Variants in HDAC9 observed in about 807,000 individuals in gnomAD.
HDAC9 encodes MEF-2 interacting transcription repressor (MITR) protein.
A neutral mutation model predicts 139.4 loss-of-function variants in HDAC9; 41 were observed. That is an observed-to-expected ratio of 0.29 (90% CI 0.23 to 0.38). The LOEUF (loss-of-function observed/expected upper bound fraction) is 0.38. HDAC9 is among the 10% of genes least tolerant of loss of function. The pLI is 1.00. For synonymous variants in HDAC9, 517 were observed against 476.2 expected, an observed-to-expected ratio of 1.09 and a Z score of -1.12; for missense variants, 1,147 against 1,297.0, an observed-to-expected ratio of 0.88 and a Z score of 1.78.
intron 1 of HDAC9, among the ~76,000 whole-genome samples, chr7:18,096,294 A>G (rs1782495417): frequency 6.6e-6 from 1 of 152,196 alleles, no homozygotes; most frequent in Non-Finnish European, 1.5e-5. Context: ...GACTCACTTC[A>G]TCCTCACCTT....
At chr7:18,128,074 A>G (rs958042232) in intron 1 of HDAC9, among the ~76,000 whole-genome samples, 6 of 152,106 alleles carry the variant, frequency 3.9e-5, no homozygotes, top group Admixed American at 6.6e-5. Context: ...TCAGTATCCA[A>G]CCATTTAGCT....
Position 18,666,494 on chromosome 7 carries a change from A to C in HDAC9, c.1731+18A>C. On this transcript the variant is annotated intron_variant, in intron 12 of 25. Coordinates refer to ENST00000686413, the MANE Select transcript of HDAC9 (RefSeq NM_178425.4). ...TGCAACAGGTAATAGGCAAAGATTT[A>C]GCTCCAGGATTTGTAATTAAAGTCA... 6.2e-7 allele frequency: 1 copy of C among 1,602,092 alleles called. No homozygotes were observed. Among genetic ancestry groups the C allele is most frequent in the Non-Finnish European group, 8.5e-7 (1 of 1,173,266 alleles).
intron 1 of HDAC9, among the ~76,000 whole-genome samples, chr7:18,378,740 T>A (rs1395630893): frequency 6.6e-6 from 1 of 152,156 alleles, no homozygotes; most frequent in Non-Finnish European, 1.5e-5. Flanking sequence ...ACGCATTTTA[T>A]AAATGCATAG....
chr7:18,157,848 A>AGAGAGAGAGACT (rs1291729009), intron 1 of HDAC9, among the ~76,000 whole-genome samples: 17 of 142,180 alleles, frequency 1.2e-4, no homozygotes, highest in African/African-American at 5.3e-5. Flanking sequence ...AGAGAGAGAG[A>AGAGAGAGAGACT]GAGACTGAGG....
intron 2 of HDAC9, among the ~76,000 whole-genome samples, chr7:18,538,050 T>C (rs1213115843): frequency 3.3e-5 from 5 of 152,198 alleles, no homozygotes; most frequent in Admixed American, 6.5e-5. Context: ...TCTTCTACAG[T>C]CTTGATTGTA....
At chr7:18,698,198 T>C (rs961290423) in intron 12 of HDAC9, among the ~76,000 whole-genome samples, 3 of 152,204 alleles carry the variant, frequency 2.0e-5, no homozygotes, top group Non-Finnish European at 4.4e-5. Context: ...TTTCTCCCCC[T>C]ACACCAAATG....
intron 1 of HDAC9, among the ~76,000 whole-genome samples, chr7:18,305,113 T>G (rs1330785146): frequency 6.6e-6 from 1 of 152,188 alleles, no homozygotes; most frequent in Non-Finnish European, 1.5e-5. Flanking sequence ...GTAGCACCTT[T>G]CCCTCCTGGT....
At chr7:18,164,825 T>G (rs1343523528) in intron 2 of HDAC9, among the ~76,000 whole-genome samples, 1 of 152,222 alleles carries the variant, frequency 6.6e-6, no homozygotes, top group Non-Finnish European at 1.5e-5. Context: ...GGGTATTGCT[T>G]TTGGGCACTG....
chr7:18,206,119 C>G (rs544953311), intron 2 of HDAC9, among the ~76,000 whole-genome samples: 1 of 151,932 alleles, frequency 6.6e-6, no homozygotes, highest in Non-Finnish European at 1.5e-5. Context: ...TTTATGAAAA[C>G]CTGATTGGAA....
intron 3 of HDAC9, among the ~76,000 whole-genome samples, chr7:18,588,979 G>A (rs935830874): frequency 6.6e-6 from 1 of 152,048 alleles, no homozygotes; most frequent in African/African-American, 2.4e-5. Flanking sequence ...AAATCAGTAG[G>A]GTTCAAACTT....
chr7:18,240,828 A>G (rs543852556), intron 2 of HDAC9, among the ~76,000 whole-genome samples: 1 of 152,308 alleles, frequency 6.6e-6, no homozygotes, highest in South Asian at 2.1e-4. Flanking sequence ...TCTTGCATAC[A>G]GCAAACACAG....
chr7:18,715,302 A>G (rs1311770249), intron 12 of HDAC9, among the ~76,000 whole-genome samples: 1 of 152,060 alleles, frequency 6.6e-6, no homozygotes, highest in Non-Finnish European at 1.5e-5. Flanking sequence ...ATGTTAAACA[A>G]TATTCTCTCT....
At chr7:18,262,552 C>G (rs1795747682) in intron 2 of HDAC9, among the ~76,000 whole-genome samples, 1 of 152,094 alleles carries the variant, frequency 6.6e-6, no homozygotes, top group African/African-American at 2.4e-5. Context: ...AGAAATAACA[C>G]TAATAAGGTA....
chr7:18,634,053 C>G (rs1783129168), intron 7 of HDAC9, among the ~76,000 whole-genome samples: 1 of 152,146 alleles, frequency 6.6e-6, no homozygotes, highest in African/African-American at 2.4e-5. Flanking sequence ...GTCAGATGGT[C>G]TTGTACAAGG....
At chr7:18,753,350 C>G (rs1382353924) in intron 14 of HDAC9, among the ~76,000 whole-genome samples, 1 of 151,930 alleles carries the variant, frequency 6.6e-6, no homozygotes, top group Non-Finnish European at 1.5e-5. Context: ...GCCCTGTGAC[C>G]AAGAGACAGA....
chr7:18,929,938 CA>C (rs778056495), intron 22 of HDAC9, among the ~76,000 whole-genome samples: 77 of 130,224 alleles, frequency 5.9e-4, no homozygotes, highest in African/African-American at 1.5e-3. Flanking sequence ...GACGCCGCCT[CA>C]AAAAAAAAAA....
At chr7:18,732,833 ATGTG>A (rs1359929586) in intron 13 of HDAC9, among the ~76,000 whole-genome samples, 6 of 98,250 alleles carry the variant, frequency 6.1e-5, no homozygotes, top group African/African-American at 1.6e-4. Context: ...ATGTGTGCGT[ATGTG>A]TACACACACG....
At chr7:18,263,668 G>T (rs1048770515) in intron 2 of HDAC9, among the ~76,000 whole-genome samples, 1 of 151,386 alleles carries the variant, frequency 6.6e-6, no homozygotes. Flanking sequence ...GAGTGCAGTG[G>T]TGTGATCTCA....
At chr7:18,594,752 A>G (rs2128846131) in intron 6 of HDAC9, among the ~76,000 whole-genome samples, 1 of 152,170 alleles carries the variant, frequency 6.6e-6, no homozygotes, top group East Asian at 1.9e-4. Flanking sequence ...GTTTAACTAG[A>G]TATACATATA....
Sources: gnomAD v4.1 joint callset for allele counts (sites outside exome capture counted in the v4.1 genomes callset) on GRCh38, gnomAD v4.1.1 for gene constraint, MANE v1.5 for transcripts, NCBI Gene and HGNC (gene_info 2026-07-23, HGNC 2026-07-21) for gene names.